Variants in ZAP70 observed in about 807,000 individuals in gnomAD.
ZAP70 encodes the protein zeta chain of T cell receptor associated protein kinase 70.
In ZAP70, 27 loss-of-function variants were observed where a neutral mutation model predicts 65.8. That is an observed-to-expected ratio of 0.41 (90% CI 0.30 to 0.57). The LOEUF (loss-of-function observed/expected upper bound fraction) is 0.57, where lower values mean the gene tolerates loss of function less well. Among genes scored for constraint, ZAP70 ranks in the 20% least tolerant of loss-of-function variants. The pLI, the probability that ZAP70 is intolerant of heterozygous loss-of-function variation, is 0.28. For missense variants in ZAP70, 696 were observed against 870.5 expected (o/e 0.80, Z 2.52); for synonymous variants, 363 against 360.8 (o/e 1.01, Z -0.07).
chr2:97,736,494 G>C lies in ZAP70; in HGVS notation c.1290-979G>C, dbSNP rs1482312729. 6.6e-6 allele frequency among the ~76,000 whole-genome samples: 1 copy of C among 152,216 alleles called. No homozygotes were observed. Among genetic ancestry groups the C allele is most frequent in the Admixed American group, 6.5e-5 (1 of 15,286 alleles). On this transcript the variant is annotated intron_variant, in intron 10 of 13. Transcript: ENST00000264972. This position sits in a 1 kb window ranked among gnomAD's most constrained non-coding sequence, Gnocchi z 4.0. ...TTAGTAGCACTTGGGATTCATTAGCGAATAAACAAGGCAGAGATCCATGCT... is the reference window on the plus strand; with the variant it reads ...TTAGTAGCACTTGGGATTCATTAGCCAATAAACAAGGCAGAGATCCATGCT...
the ZAP70 span, among the ~76,000 whole-genome samples, chr2:97,756,141 G>T: frequency 6.6e-6 from 1 of 151,008 alleles, no homozygotes; most frequent in African/African-American, 2.4e-5. Context: ...AGTTGTTTTC[G>T]ATCAAGGACC....
At chr2:97,713,859 G>A (rs1676806191) in intron 1 of ZAP70, 57 bp from the exon 2 acceptor site, 1 of 152,502 alleles carries the variant, frequency 6.6e-6, no homozygotes, top group South Asian at 2.1e-4. Context: ...CTCAGGCTGG[G>A]GGCTTGGGCT....
At position 97,715,142 on chromosome 2, in the gene ZAP70, C is replaced by T. The variant is rs2104633426; in HGVS notation, c.-22+1148C>T. On this transcript the variant is annotated intron_variant, in intron 2 of 13. Coordinates refer to ENST00000264972, the MANE Select transcript of ZAP70 (RefSeq NM_001079.4). The surrounding 1 kb of genome is among the most constrained non-coding windows in gnomAD (Gnocchi z 4.1). Reference sequence around the variant, plus strand: ...CACAGTTCCTGTATGCTCTCCGGGGCTGCAGCACCCAGACCACCCCGTGCT... The same window carrying T: ...CACAGTTCCTGTATGCTCTCCGGGGTTGCAGCACCCAGACCACCCCGTGCT... Among the ~76,000 whole-genome samples, 1 of 152,308 alleles carries T rather than the reference C, an allele frequency of 6.6e-6. No homozygotes were observed. The highest frequency in any genetic ancestry group is 1.9e-4 in the East Asian group (1 of 5,186).
rs751736836 is a variant in ZAP70, at chr2:97,739,335, G to A, written c.1737-40G>A. 5.6e-6 allele frequency: 9 copies of A among 1,610,940 alleles called. No individual in the cohort carries two copies. In the East Asian group the frequency reaches 1.6e-4, roughly 28 times the overall value. ...ACCCACTGGTGAAGCTGGGTCCTGG[G>A]GGCGTGGTCAGCAGCCTGGATGTAC... On this transcript the variant is annotated intron_variant, in intron 13 of 13. Coordinates refer to ENST00000264972, the MANE Select transcript of ZAP70 (RefSeq NM_001079.4).
Position 97,724,009 on chromosome 2 carries a change from C to T in ZAP70, c.-21-7C>T, listed in dbSNP as rs1330755066. ...TGACGTGCCTCCGACCCTCTGTGAACCCGCAGGTTTCGGGAGGCCCAGGGG... is the reference window on the plus strand; with the variant it reads ...TGACGTGCCTCCGACCCTCTGTGAATCCGCAGGTTTCGGGAGGCCCAGGGG... On this transcript the variant is annotated splice_polypyrimidine_tract_variant and splice_region_variant and intron_variant, in intron 2 of 13. Transcript: ENST00000264972. 1 of 1,541,534 alleles carries T rather than the reference C, an allele frequency of 6.5e-7. No individual in the cohort carries two copies. The highest frequency in any genetic ancestry group is 1.2e-5 in the South Asian group (1 of 84,328).
chr2:97,751,580 T>G, the ZAP70 span, among the ~76,000 whole-genome samples: 1 of 152,258 alleles, frequency 6.6e-6, no homozygotes, highest in Non-Finnish European at 1.5e-5. Context: ...GTGAAATCTC[T>G]GGATTAAAGG....
At chr2:97,735,589 C>A in intron 10 of ZAP70, 133 bp downstream of exon 10, 3 of 1,034,222 alleles carry the variant, frequency 2.9e-6, no homozygotes, top group East Asian at 2.5e-5. Flanking sequence ...ACACTCTCAG[C>A]CTGCACACCC....
At position 97,724,793 on chromosome 2, in the gene ZAP70, G is replaced by A. The variant is rs1264719617; in HGVS notation, c.403-299G>A. 4 of 1,507,672 alleles carry A rather than the reference G, an allele frequency of 2.7e-6. No individual in the cohort carries two copies. In the South Asian group the frequency reaches 3.6e-5, roughly 14 times the overall value. The allele number at this position is 1,507,672 out of a possible 1,614,324, so 93.4% of individuals were successfully genotyped here. On this transcript the variant is annotated intron_variant, in intron 3 of 13. Coordinates refer to ENST00000264972, the MANE Select transcript of ZAP70 (RefSeq NM_001079.4). ...CCCTTAGGGTAGGGTGGCTGTTGGG[G>A]AAGATGGGCAGTAGTCGTCCACAGC...
intron 9 of ZAP70, 183 bp from the exon 10 acceptor site, chr2:97,735,067 T>C: frequency 1.3e-6 from 1 of 741,264 alleles, no homozygotes; most frequent in Admixed American, 2.5e-5. Context: ...GATCCGGCTG[T>C]GAGCCGTCCT....
chr2:97,744,981 T>C, the ZAP70 span, among the ~76,000 whole-genome samples: 5 of 152,210 alleles, frequency 3.3e-5, no homozygotes, highest in Non-Finnish European at 5.9e-5. Flanking sequence ...AAAAGAAAAA[T>C]AGATAAACTG....
chr2:97,734,842 G>C, intron 9 of ZAP70, 130 bp downstream of exon 9: 1 of 1,295,590 alleles, frequency 7.7e-7, no homozygotes, highest in Admixed American at 1.9e-5. Flanking sequence ...CTCTGGGGCA[G>C]GACGTTGCAC....
At chr2:97,738,295 C>A in intron 13 of ZAP70, 188 bp downstream of exon 13, 1 of 653,044 alleles carries the variant, frequency 1.5e-6, no homozygotes, top group Non-Finnish European at 2.7e-6. Context: ...TGCTGTCCTG[C>A]TCCAGTGTGC....
At chr2:97,740,819 C>A (rs772887305), downstream of ZAP70, among the ~76,000 whole-genome samples, 7 of 152,200 alleles carry the variant, frequency 4.6e-5, no homozygotes, top group African/African-American at 1.7e-4. Flanking sequence ...CCATTCCTGT[C>A]CCCTGTTGGG....
chr2:97,724,395 A>G lies in ZAP70; in HGVS notation c.359A>G (p.Asp120Gly). Reference sequence around the variant, plus strand: ...CCGGGGGTCTTCGACTGCCTGCGAGACGCCATGGTGCGTGACTACGTGCGC... The same window carrying G: ...CCGGGGGTCTTCGACTGCCTGCGAGGCGCCATGGTGCGTGACTACGTGCGC... ...PQPGVFDCLR[D>G]AMVRDYVRQT... The change falls in exon 3 of 14, where the codon GAC (aspartate) becomes GGC (glycine). Residue 120 changes from aspartate (D) to glycine (G), a missense_variant. This residue lies in a region of ZAP70 where 551 missense variants were observed against 630.0 expected (regional missense o/e 0.87). Coordinates refer to ENST00000264972, the MANE Select transcript of ZAP70 (RefSeq NM_001079.4). 2.6e-6 allele frequency: 4 copies of G among 1,536,618 alleles called. No individual in the cohort carries two copies. Among genetic ancestry groups the G allele is most frequent in the Non-Finnish European group, 3.5e-6 (4 of 1,141,604 alleles).
the ZAP70 span, among the ~76,000 whole-genome samples, chr2:97,746,644 A>C: frequency 6.6e-6 from 1 of 152,222 alleles, no homozygotes; most frequent in East Asian, 1.9e-4. Flanking sequence ...TTGATGAATT[A>C]CCCAGTCTAA....
intron 7 of ZAP70, 86 bp downstream of exon 7, chr2:97,733,429 T>C (rs755711247): frequency 1.3e-5 from 20 of 1,597,272 alleles, no homozygotes; most frequent in Non-Finnish European, 1.5e-5. Context: ...CTGGGGTGCC[T>C]GTGGAGCGGA....
At chr2:97,738,590 C>G in intron 13 of ZAP70, 1 of 230,824 alleles carries the variant, frequency 4.3e-6, no homozygotes, top group Non-Finnish European at 8.8e-6. Context: ...GACATCTCAA[C>G]TCCTAACACC....
intron 2 of ZAP70, among the ~76,000 whole-genome samples, chr2:97,722,998 C>T (rs981082010): frequency 2.6e-5 from 4 of 152,280 alleles, no homozygotes; most frequent in Admixed American, 6.5e-5. Flanking sequence ...TCTTAGTTTT[C>T]GGAAAATCAG....
chr2:97,749,004 C>A, the ZAP70 span, among the ~76,000 whole-genome samples: 143 of 115,026 alleles, frequency 1.2e-3, 1 homozygote, highest in African/African-American at 5.1e-3. Context: ...TGACACTTCC[C>A]TTTTTTTTTT....
Sources: allele counts gnomAD v4.1 joint callset (sites outside exome capture counted in the v4.1 genomes callset), GRCh38; gene constraint gnomAD v4.1.1; regional missense constraint gnomAD v4.1.1; non-coding constraint Gnocchi (gnomAD v3.1); transcripts MANE v1.5; gene names NCBI Gene and HGNC (gene_info 2026-07-23, HGNC 2026-07-21).